ELOVL4: variants seen among roughly 807,000 people sequenced by gnomAD.
The protein encoded by ELOVL4 is ELOVL fatty acid elongase 4.
In ELOVL4, 18 loss-of-function variants were observed where a neutral mutation model predicts 42.1. The observed-to-expected ratio is 0.43, with a 90% confidence interval of 0.30 to 0.63. ELOVL4 has a LOEUF of 0.63. ELOVL4 is among the 30% of genes least tolerant of loss of function. The probability of loss-of-function intolerance (pLI) is 0.15; values close to 1 mark genes in which losing one functional copy is unlikely to be tolerated. For missense variants in ELOVL4, 299 were observed against 376.2 expected, an observed-to-expected ratio of 0.79 and a Z score of 1.70; for synonymous variants, 117 against 127.0, an observed-to-expected ratio of 0.92 and a Z score of 0.53.
intron 1 of ELOVL4, among the ~76,000 whole-genome samples, chr6:79,943,010 TTTC>T (rs1276382076): frequency 6.6e-6 from 1 of 151,682 alleles, no homozygotes; most frequent in Non-Finnish European, 1.5e-5. Flanking sequence ...TGTTTCTTTC[TTTC>T]TTTTTTTTTT....
chr6:79,920,886 CA>C (rs1774240890), intron 4 of ELOVL4, among the ~76,000 whole-genome samples: 1 of 151,968 alleles, frequency 6.6e-6, no homozygotes, highest in African/African-American at 2.4e-5. Flanking sequence ...TGCTGGTGCT[CA>C]AAAAGTTTTG....
intron 4 of ELOVL4, 128 bp from the exon 5 acceptor site, chr6:79,919,675 A>T (rs1774219488): frequency 2.4e-6 from 2 of 849,612 alleles, no homozygotes; most frequent in African/African-American, 1.7e-5. Context: ...TAGAAATGAA[A>T]AATATAAAGT....
At chr6:79,928,914 T>C (rs1010233748) in intron 1 of ELOVL4, among the ~76,000 whole-genome samples, 3 of 151,678 alleles carry the variant, frequency 2.0e-5, no homozygotes, top group Non-Finnish European at 2.9e-5. Context: ...TCATTCTTTT[T>C]TATATATAGT....
chr6:79,934,219 A>G (rs1288040026), intron 1 of ELOVL4, among the ~76,000 whole-genome samples: 1 of 152,184 alleles, frequency 6.6e-6, no homozygotes, highest in East Asian at 1.9e-4. Context: ...AGAGAATAAC[A>G]TGAAAAAGGA....
intron 1 of ELOVL4, 49 bp from the exon 2 acceptor site, chr6:79,926,430 T>C (rs1774345043): frequency 1.3e-6 from 2 of 1,545,726 alleles, no homozygotes; most frequent in Non-Finnish European, 8.9e-7. Context: ...GTAAATGTTT[T>C]ATAAAATACA....
At chr6:79,924,429 C>T (rs543665215) in intron 3 of ELOVL4, among the ~76,000 whole-genome samples, 2 of 152,220 alleles carry the variant, frequency 1.3e-5, no homozygotes, top group Non-Finnish European at 2.9e-5. Context: ...TTCACTCATG[C>T]TGCAAAATAA....
At chr6:79,947,061 C>G in intron 1 of ELOVL4, 119 bp downstream of exon 1, 3 of 821,230 alleles carry the variant, frequency 3.7e-6, no homozygotes, top group Non-Finnish European at 6.0e-6. Context: ...CGCTGATCCG[C>G]AGCATCCGAA....
chr6:79,919,104 A>G (rs1165845403), intron 5 of ELOVL4, among the ~76,000 whole-genome samples: 1 of 54,854 alleles, frequency 1.8e-5, no homozygotes, highest in Non-Finnish European at 3.2e-5. Flanking sequence ...TTATTTTTCT[A>G]TTCATACTAC....
Position 79,931,806 on chromosome 6 carries a change from T to C in ELOVL4, c.101-5425A>G, listed in dbSNP as rs547064531. Among the ~76,000 whole-genome samples the C allele has an allele frequency of 5.5e-4, 84 of 152,346 alleles. 1 individual carries two copies. The South Asian group carries it at 8.1e-3, about 15-fold the overall frequency. On this transcript the variant is annotated intron_variant, in intron 1 of 5. Transcript: ENST00000369816. ...GAGGAATTAGAACCAACAGAAGTTA[T>C]AGGAAAGTAAATTTCACCTGAATTC...
At position 79,921,610 on chromosome 6, in the gene ELOVL4, C is replaced by A. The variant is rs1310926390; in HGVS notation, c.541+15G>T. ...TGCAATTAAACGCAAGCAGTATATTCCTGAAAATGCTCACCTTGTCCTCCT... is the reference window on the plus strand; with the variant it reads ...TGCAATTAAACGCAAGCAGTATATTACTGAAAATGCTCACCTTGTCCTCCT... On this transcript the variant is annotated intron_variant, in intron 4 of 5. Coordinates refer to ENST00000369816, the MANE Select transcript of ELOVL4 (RefSeq NM_022726.4). 20 of 1,612,956 alleles carry A rather than the reference C, an allele frequency of 1.2e-5. No homozygotes were observed. Among genetic ancestry groups the A allele is most frequent in the South Asian group, 2.2e-5 (2 of 91,026 alleles).
At chr6:79,925,317 A>C (rs964946400) in intron 2 of ELOVL4, among the ~76,000 whole-genome samples, 7 of 152,104 alleles carry the variant, frequency 4.6e-5, no homozygotes, top group Non-Finnish European at 8.8e-5. Flanking sequence ...TATTGCTAGG[A>C]CTCAGATTTC....
intron 1 of ELOVL4, among the ~76,000 whole-genome samples, chr6:79,931,549 T>C (rs1774445503): frequency 6.6e-6 from 1 of 152,160 alleles, no homozygotes; most frequent in Non-Finnish European, 1.5e-5. Flanking sequence ...TAAGACAGAC[T>C]TTTAAAAGTT....
intron 1 of ELOVL4, among the ~76,000 whole-genome samples, chr6:79,928,728 T>G (rs954278921): frequency 4.4e-5 from 2 of 45,048 alleles, no homozygotes; most frequent in Non-Finnish European, 4.4e-5. Context: ...GGTGACTGGG[T>G]TTTTTTTTTT....
At chr6:79,928,927 G>A (rs536125112) in intron 1 of ELOVL4, among the ~76,000 whole-genome samples, 3 of 151,652 alleles carry the variant, frequency 2.0e-5, no homozygotes, top group African/African-American at 4.8e-5. Flanking sequence ...TATATAGTGT[G>A]GTGCACTGTT....
In ELOVL4 at chr6:79,916,687, T is replaced by G. The variant is rs778507323; in HGVS notation, c.866A>C (p.Asn289Thr). The change falls in exon 6 of 6, where the codon AAT becomes ACT. Residue 289 changes from asparagine to threonine, a missense_variant. Coordinates refer to ENST00000369816, the MANE Select transcript of ELOVL4 (RefSeq NM_022726.4). ...TTGTTTTTCTGATTTGCTCACACCA[T>G]TTGCTGAAATACCATTCATGGCTGT... ...GKTAMNGISA[N>T]GVSKSEKQLM... The G allele has an allele frequency of 1.9e-6, 3 of 1,614,180 alleles. No homozygotes were observed. Among genetic ancestry groups the G allele is most frequent in the Non-Finnish European group, 2.5e-6 (3 of 1,180,028 alleles).
Position 79,915,928 on chromosome 6 carries a change from T to C in ELOVL4, c.*680A>G, listed in dbSNP as rs1774151706. ...ATCACAAAAAATTGTTTCCCCACAG[T>C]GATTTGTGCCTCAAGTCATGGTGAT... On this transcript the variant is annotated 3_prime_UTR_variant, in exon 6 of 6. Transcript: ENST00000369816. The C allele has an allele frequency of 6.6e-6, 1 of 152,656 alleles. No homozygotes were observed. The highest frequency in any genetic ancestry group is 6.5e-5 in the Admixed American group (1 of 15,280). 9.5% of individuals were successfully genotyped at this position (152,656 alleles called of 1,614,324 possible).
At chr6:79,927,714 A>T (rs906518788) in intron 1 of ELOVL4, among the ~76,000 whole-genome samples, 2 of 152,218 alleles carry the variant, frequency 1.3e-5, no homozygotes, top group African/African-American at 4.8e-5. Context: ...TGGGAAAAAA[A>T]GGTGATAATG....
intron 1 of ELOVL4, among the ~76,000 whole-genome samples, chr6:79,939,689 A>C (rs754896060): frequency 1.3e-5 from 2 of 151,798 alleles, no homozygotes. Context: ...AGGCCTGGCT[A>C]ATTTTTAATA....
chr6:79,923,282 G>A (rs193223871), intron 3 of ELOVL4, among the ~76,000 whole-genome samples: 11 of 152,244 alleles, frequency 7.2e-5, no homozygotes, highest in African/African-American at 2.6e-4. Context: ...AAGAGAGCAC[G>A]AGGAAGATTT....
Sources: allele counts gnomAD v4.1 joint callset (sites outside exome capture counted in the v4.1 genomes callset), GRCh38; gene constraint gnomAD v4.1.1; transcripts MANE v1.5; gene names NCBI Gene and HGNC (gene_info 2026-07-23, HGNC 2026-07-21).